KCNJ6: variants seen among roughly 807,000 people sequenced by gnomAD.
The protein encoded by KCNJ6 is potassium inwardly rectifying channel subfamily J member 6.
KCNJ6 carries 9 observed loss-of-function variants against 34.2 expected under a neutral mutation model. That is an observed-to-expected ratio of 0.26 (90% confidence interval 0.16 to 0.46). KCNJ6 has a LOEUF of 0.46. KCNJ6 is among the 20% of genes least tolerant of loss of function. The pLI is 1.00. For synonymous variants in KCNJ6, 196 were observed against 207.1 expected (o/e 0.95, Z 0.46); for missense variants, 236 against 531.3 (o/e 0.44, Z 5.46).
At chr21:37,807,164 C>A (rs1366539560) in intron 2 of KCNJ6, among the ~76,000 whole-genome samples, 1 of 152,164 alleles carries the variant, frequency 6.6e-6, no homozygotes. Context: ...AGCTAATGAC[C>A]TACACTTACC....
chr21:37,783,653 T>C (rs760708325), intron 2 of KCNJ6, among the ~76,000 whole-genome samples: 3 of 152,214 alleles, frequency 2.0e-5, no homozygotes, highest in Non-Finnish European at 4.4e-5. Flanking sequence ...AATCTCTTGT[T>C]AGAGGGTATC....
intron 3 of KCNJ6, among the ~76,000 whole-genome samples, chr21:37,689,110 C>T (rs2123426170): frequency 6.6e-6 from 1 of 152,266 alleles, no homozygotes; most frequent in African/African-American, 2.4e-5. Context: ...TCTATTCTCT[C>T]TGTTCCTCTA....
At chr21:37,819,680 G>A (rs2055364509) in intron 2 of KCNJ6, among the ~76,000 whole-genome samples, 1 of 152,134 alleles carries the variant, frequency 6.6e-6, no homozygotes, top group African/African-American at 2.4e-5. Context: ...ACTGAAGGGT[G>A]CCAGGTAAGA....
intron 3 of KCNJ6, among the ~76,000 whole-genome samples, chr21:37,667,186 T>TAAAAAAAAAAAAAAAAAA (rs1569441641): frequency 2.3e-5 from 2 of 86,824 alleles, no homozygotes; most frequent in Non-Finnish European, 4.4e-5. Flanking sequence ...AAAAAAAAAT[T>TAAAAAAAAAAAAAAAAAA]AAATGAGGCA....
At chr21:37,639,202 T>C (rs546749044) in intron 3 of KCNJ6, among the ~76,000 whole-genome samples, 4 of 152,208 alleles carry the variant, frequency 2.6e-5, no homozygotes, top group Admixed American at 6.5e-5. Context: ...TTTTACTCTA[T>C]AAAACCCACC....
chr21:37,667,628 C>T (rs1216981523), intron 3 of KCNJ6, among the ~76,000 whole-genome samples: 27 of 76,984 alleles, frequency 3.5e-4, no homozygotes, highest in Non-Finnish European at 1.8e-4. Flanking sequence ...TAGCAGGCAC[C>T]GGGGTAGCAG....
chr21:37,868,384 T>C (rs1420526097), intron 1 of KCNJ6, among the ~76,000 whole-genome samples: 1 of 152,212 alleles, frequency 6.6e-6, no homozygotes, highest in Non-Finnish European at 1.5e-5. Context: ...TTAAACTGAA[T>C]GTGTGTGTAT....
intron 2 of KCNJ6, among the ~76,000 whole-genome samples, chr21:37,759,120 G>T (rs1003528668): frequency 6.6e-6 from 1 of 152,154 alleles, no homozygotes; most frequent in Non-Finnish European, 1.5e-5. Context: ...TTTGAGGCTG[G>T]GGAGGAGATC....
chr21:37,863,221 C>T (rs748204680), intron 1 of KCNJ6, among the ~76,000 whole-genome samples: 98 of 152,156 alleles, frequency 6.4e-4, no homozygotes, highest in Non-Finnish European at 1.0e-3. Flanking sequence ...ATGAGTAAAA[C>T]ATGGAGTAAT....
intron 2 of KCNJ6, among the ~76,000 whole-genome samples, chr21:37,794,258 T>C (rs2055230644): frequency 6.6e-6 from 1 of 152,232 alleles, no homozygotes; most frequent in Non-Finnish European, 1.5e-5. Context: ...CATACATAGA[T>C]AGTGGTTAAT....
chr21:37,826,519 T>TATGG (rs2055399712), intron 2 of KCNJ6, among the ~76,000 whole-genome samples: 1 of 152,142 alleles, frequency 6.6e-6, no homozygotes, highest in Non-Finnish European at 1.5e-5. Context: ...GACTCACAGG[T>TATGG]ATGGCTCCTG....
At chr21:37,756,633 T>G in intron 2 of KCNJ6, among the ~76,000 whole-genome samples, 2 of 149,780 alleles carry the variant, frequency 1.3e-5, no homozygotes, top group African/African-American at 2.5e-5. Flanking sequence ...CAGCCCAGAG[T>G]GAGCACTCCC....
At chr21:37,895,249 C>A (rs191749718) in intron 1 of KCNJ6, among the ~76,000 whole-genome samples, 2 of 152,226 alleles carry the variant, frequency 1.3e-5, no homozygotes, top group Non-Finnish European at 2.9e-5. Flanking sequence ...ACGGCTTTGT[C>A]CTTAAAGACC....
At chr21:37,763,080 C>G (rs941432793) in intron 2 of KCNJ6, among the ~76,000 whole-genome samples, 9 of 152,060 alleles carry the variant, frequency 5.9e-5, no homozygotes, top group African/African-American at 1.7e-4. Context: ...TCATCAGGAC[C>G]CACTGATTTG....
chr21:37,885,604 G>A (rs994934972), intron 1 of KCNJ6, among the ~76,000 whole-genome samples: 2 of 152,232 alleles, frequency 1.3e-5, no homozygotes, highest in African/African-American at 4.8e-5. Context: ...GGGGACACGT[G>A]GTGAGGCACT....
intron 2 of KCNJ6, among the ~76,000 whole-genome samples, chr21:37,778,178 C>T (rs1205220410): frequency 6.6e-6 from 1 of 152,190 alleles, no homozygotes. Flanking sequence ...GGGGCATCTA[C>T]TGACACATGA....
chr21:37,685,150 A>G (rs1276678633), intron 3 of KCNJ6, among the ~76,000 whole-genome samples: 2 of 152,128 alleles, frequency 1.3e-5, no homozygotes. Flanking sequence ...CAGTAAATAT[A>G]TTGAAAGATG....
At chr21:37,649,143 AAAAAAAAAAAAG>A in intron 3 of KCNJ6, among the ~76,000 whole-genome samples, 2 of 149,772 alleles carry the variant, frequency 1.3e-5, no homozygotes, top group South Asian at 4.3e-4. Context: ...AAAAAAAAAA[AAAAAAAAAAAAG>A]AAAGAAAAAG....
intron 2 of KCNJ6, among the ~76,000 whole-genome samples, chr21:37,737,597 C>T (rs769428160): frequency 5.3e-5 from 8 of 152,278 alleles, no homozygotes; most frequent in East Asian, 3.9e-4. Flanking sequence ...GGAAAATATC[C>T]GGAAAGAGGA....
Sources: gnomAD v4.1 joint callset for allele counts (sites outside exome capture counted in the v4.1 genomes callset) on GRCh38, gnomAD v4.1.1 for gene constraint, MANE v1.5 for transcripts, NCBI Gene and HGNC (gene_info 2026-07-23, HGNC 2026-07-21) for gene names.